The following TPPP variants were observed in gnomAD, a reference collection of about 807,000 sequenced individuals.
The protein encoded by TPPP is tubulin polymerization-promoting protein.
In TPPP, 6 loss-of-function variants were observed where a neutral mutation model predicts 15.5. The ratio of observed to expected loss-of-function variants is 0.39; its 90% CI spans 0.21 to 0.77. The LOEUF (loss-of-function observed/expected upper bound fraction) is 0.77, where lower values mean the gene tolerates loss of function less well. TPPP is among the 30% of genes least tolerant of loss of function. The probability of loss-of-function intolerance (pLI) is 0.42; values close to 1 mark genes in which losing one functional copy is unlikely to be tolerated. For missense variants in TPPP, 269 were observed against 307.2 expected (o/e 0.88, Z 0.93); for synonymous variants, 146 against 133.9 (o/e 1.09, Z -0.63).
In TPPP at chr5:677,951, C is replaced by G. The variant is rs1455635672; in HGVS notation, c.110G>C (p.Gly37Ala). 3.7e-6 allele frequency: 6 copies of G among 1,611,368 alleles called. No individual in the cohort carries two copies. The African/African-American group carries it at 4.0e-5, about 11-fold the overall frequency. The change falls in exon 2 of 4, where the codon GGT becomes GCT. Residue 37 changes from glycine to alanine, a missense_variant. Physicochemically the swap from Gly to Ala is moderately conservative, Grantham distance 60. Coordinates refer to ENST00000360578, the MANE Select transcript of TPPP (RefSeq NM_007030.3). The part of the protein sequence containing the change: ...AAKRLSLESE[G>A]AGEGAAASPE... ...GGATGCGGCTGCCCCCTCACCAGCA[C>G]CCTCCGATTCCAGCGACAGCCTCTT... is the stretch of plus-strand genomic sequence containing the variant.
rs16900955 is a variant in TPPP, at chr5:664,837, G to C, written c.*265C>G. ...ACGTGCCCAGTGTGGTGTGATCCGCGAGACACTTTGGAAATGGCTGAGGAC... is the reference window on the plus strand; with the variant it reads ...ACGTGCCCAGTGTGGTGTGATCCGCCAGACACTTTGGAAATGGCTGAGGAC... On this transcript the variant is annotated 3_prime_UTR_variant, in exon 4 of 4. Coordinates refer to ENST00000360578, the MANE Select transcript of TPPP (RefSeq NM_007030.3). The C allele has an allele frequency of 4.0e-6, 2 of 494,958 alleles. No individual in the cohort carries two copies. Among genetic ancestry groups the C allele is most frequent in the African/African-American group, 3.9e-5 (2 of 51,766 alleles). 30.7% of individuals were successfully genotyped at this position (494,958 alleles called of 1,614,324 possible).
At chr5:671,888 TC>T (rs953248462) in intron 2 of TPPP, among the ~76,000 whole-genome samples, 3 of 152,038 alleles carry the variant, frequency 2.0e-5, no homozygotes, top group African/African-American at 4.8e-5. Context: ...AGCCCACCCT[TC>T]CCCCGGGCTG....
In TPPP at chr5:663,165, A is replaced by C. The variant is rs879117029; in HGVS notation, c.*1937T>G. The C allele has an allele frequency of 1.0e-5, 1 of 96,858 alleles. No homozygotes were observed. Among genetic ancestry groups the C allele is most frequent in the Non-Finnish European group, 2.7e-5 (1 of 37,680 alleles). The allele number at this position is 96,858 out of a possible 1,614,324, so 6.0% of individuals were successfully genotyped here. ...GCTCGTCTGTGATCGGGTGAGTCCG[A>C]TGACTGCTCGTCTGTGACCGGGCGA... On this transcript the variant is annotated 3_prime_UTR_variant, in exon 4 of 4. Transcript: ENST00000360578.
rs780583434 is a variant in TPPP at position 677,845 on chromosome 5, G to A, written c.216C>T (p.His72=). 43 of 1,612,396 alleles carry A rather than the reference G, an allele frequency of 2.7e-5. No individual in the cohort carries two copies. The highest frequency in any genetic ancestry group is 9.3e-5 in the African/African-American group (7 of 74,922). The change falls in exon 2 of 4, where the codon CAC becomes CAT. Residue 72 remains histidine, a synonymous_variant. Transcript: ENST00000360578. ...GDARATGREM[H]GKNWSKLCKD... ...TGCACAGCTTCGACCAGTTCTTGCC[G>A]TGCATCTCCCTCCCGGTGGCCCTGG...
chr5:678,745 C>T (rs1740532988), intron 1 of TPPP, among the ~76,000 whole-genome samples: 1 of 152,116 alleles, frequency 6.6e-6, no homozygotes, highest in Non-Finnish European at 1.5e-5. Context: ...GTGGGGGCAC[C>T]GGTGTCAGGG....
chr5:678,872 G>A (rs535082424), intron 1 of TPPP, among the ~76,000 whole-genome samples: 6 of 152,294 alleles, frequency 3.9e-5, no homozygotes, highest in South Asian at 2.1e-4. Context: ...GCAGGGCTAC[G>A]CCACAGGGCA....
intron 2 of TPPP, among the ~76,000 whole-genome samples, chr5:668,056 A>G (rs1400926227): frequency 2.7e-5 from 1 of 37,050 alleles, no homozygotes; most frequent in Non-Finnish European, 4.0e-5. Context: ...GCCGTCAGGG[A>G]AGTACCGACA....
intron 2 of TPPP, among the ~76,000 whole-genome samples, chr5:670,422 G>T (rs1740177227): frequency 6.6e-6 from 1 of 152,134 alleles, no homozygotes; most frequent in Non-Finnish European, 1.5e-5. Context: ...AATCTCTGGG[G>T]AAACAGCCTC....
intron 2 of TPPP, among the ~76,000 whole-genome samples, chr5:670,744 C>T (rs372498833): frequency 2.6e-4 from 39 of 152,338 alleles, no homozygotes; most frequent in African/African-American, 8.9e-4. Context: ...CCCTGCCTCC[C>T]GCAAGCCCCA....
intron 2 of TPPP, among the ~76,000 whole-genome samples, chr5:671,584 C>T (rs143399821): frequency 8.5e-4 from 130 of 152,342 alleles, no homozygotes; most frequent in Non-Finnish European, 1.6e-3. Flanking sequence ...TGCCTGTCGC[C>T]GCACAGTGCT....
the TPPP span, among the ~76,000 whole-genome samples, chr5:700,576 C>T: frequency 2.6e-5 from 4 of 151,954 alleles, no homozygotes; most frequent in Non-Finnish European, 5.9e-5. Context: ...ACTTCTACCC[C>T]TTACATCTAT....
chr5:666,202 C>G, intron 2 of TPPP, 79 bp from the exon 3 acceptor site: 2 of 1,519,782 alleles, frequency 1.3e-6, no homozygotes, highest in East Asian at 2.3e-5. Context: ...CTGAGCAGAG[C>G]TGGACAGCCA....
At chr5:671,815 T>TA (rs1394269304) in intron 2 of TPPP, among the ~76,000 whole-genome samples, 1 of 152,004 alleles carries the variant, frequency 6.6e-6, no homozygotes, top group African/African-American at 2.4e-5. Context: ...AGCCGCCGAG[T>TA]GCAAGCCCGG....
chr5:668,111 C>G (rs139528526), intron 2 of TPPP, among the ~76,000 whole-genome samples: 2 of 39,726 alleles, frequency 5.0e-5, no homozygotes, highest in East Asian at 5.7e-4. Context: ...AGGGAAGTAC[C>G]GACAAGCACA....
chr5:693,002 G>C (rs1740933122), intron 1 of TPPP, among the ~76,000 whole-genome samples: 1 of 151,180 alleles, frequency 6.6e-6, no homozygotes, highest in Non-Finnish European at 1.5e-5. Context: ...CCCGGAGACG[G>C]TGACAGACCT....
chr5:674,369 C>A (rs941481552), intron 2 of TPPP, among the ~76,000 whole-genome samples: 1 of 152,206 alleles, frequency 6.6e-6, no homozygotes, highest in African/African-American at 2.4e-5. Context: ...GGGGCCCTGG[C>A]AGCCAAGGGG....
intron 1 of TPPP, among the ~76,000 whole-genome samples, chr5:679,804 C>T (rs1259800267): frequency 9.3e-5 from 14 of 151,216 alleles, no homozygotes; most frequent in Admixed American, 2.0e-4. Flanking sequence ...TGGGGCCCGC[C>T]TGGGAGCAAA....
rs1320094274 is a variant in TPPP at position 661,524 on chromosome 5, A to G, written c.*3578T>C. ...TGCAGTTTGTTATTCACAAATACAC[A>G]TTTATTTTCTGTTGAACCGTGGTTA... On this transcript the variant is annotated 3_prime_UTR_variant, in exon 4 of 4. Coordinates refer to ENST00000360578, the MANE Select transcript of TPPP (RefSeq NM_007030.3). The G allele has an allele frequency of 6.6e-6, 1 of 152,420 alleles. No individual in the cohort carries two copies. The highest frequency in any genetic ancestry group is 1.9e-4 in the East Asian group (1 of 5,334). The allele number at this position is 152,420 out of a possible 1,614,324, so 9.4% of individuals were successfully genotyped here. A position where few individuals can be genotyped will look rare whatever the true frequency, so the allele number is the denominator to read the frequency against.
At chr5:665,419 T>G (rs1241098768) in intron 3 of TPPP, 123 bp from the exon 4 acceptor site, 1 of 840,066 alleles carries the variant, frequency 1.2e-6, no homozygotes, top group African/African-American at 1.7e-5. Context: ...GCATAAACCC[T>G]GGGATTTATG....
Sources: gnomAD v4.1 joint callset for allele counts (sites outside exome capture counted in the v4.1 genomes callset) on GRCh38, gnomAD v4.1.1 for gene constraint, MANE v1.5 for transcripts, NCBI Gene and HGNC (gene_info 2026-07-23, HGNC 2026-07-21) for gene names.